Variants in ALG14 observed in about 807,000 individuals in gnomAD.
ALG14 encodes the protein ALG14 UDP-N-acetylglucosaminyltransferase subunit.
A neutral mutation model predicts 22.8 loss-of-function variants in ALG14; 17 were observed. That is an observed-to-expected ratio of 0.75 (90% CI 0.51 to 1.12). ALG14 has a LOEUF of 1.12. Ranked by LOEUF, ALG14 falls within the 50% of genes most tolerant of loss-of-function variation. The pLI is 0.00. For synonymous variants in ALG14, 89 were observed against 103.7 expected (o/e 0.86, Z 0.86); for missense variants, 288 against 271.8 (o/e 1.06, Z -0.42).
chr1:94,985,883 T>C (rs1672627590), intron 3 of ALG14, among the ~76,000 whole-genome samples: 1 of 148,002 alleles, frequency 6.8e-6, no homozygotes, highest in Non-Finnish European at 1.5e-5. Context: ...AACCCATAAA[T>C]CAAGGACTGA....
At chr1:95,060,659 T>C (rs1675113260) in intron 2 of ALG14, among the ~76,000 whole-genome samples, 1 of 151,732 alleles carries the variant, frequency 6.6e-6, no homozygotes. Flanking sequence ...GAGACTACAG[T>C]GAGCTGAGAT....
intron 3 of ALG14, among the ~76,000 whole-genome samples, chr1:95,007,137 C>A (rs1388756625): frequency 1.3e-5 from 2 of 152,258 alleles, no homozygotes; most frequent in African/African-American, 4.8e-5. Context: ...GAAAAATTTC[C>A]TTTTTTGTTT....
chr1:95,072,027 G>A (rs1346068138), intron 1 of ALG14, among the ~76,000 whole-genome samples: 2 of 152,202 alleles, frequency 1.3e-5, no homozygotes, highest in Non-Finnish European at 2.9e-5. Flanking sequence ...GGTTAGTTTA[G>A]TGTTTGGTCT....
Position 94,981,081 on chromosome 1 carries a change from T to A in ALG14, c.*1995A>T, listed in dbSNP as rs774353428. 3.3e-5 allele frequency: 5 copies of A among 152,184 alleles called. No homozygotes were observed. The highest frequency in any genetic ancestry group is 7.3e-5 in the Non-Finnish European group (5 of 68,044). 9.4% of individuals were successfully genotyped at this position (152,184 alleles called of 1,614,324 possible). On this transcript the variant is annotated 3_prime_UTR_variant, in exon 4 of 4. Coordinates refer to ENST00000370205, the MANE Select transcript of ALG14 (RefSeq NM_144988.4). ...TTTCCCTTACCATTCATTTACCTAG[T>A]GCCACTCAGGGAACAAAGTACAGAG...
intron 2 of ALG14, among the ~76,000 whole-genome samples, chr1:95,042,249 CT>C (rs1298546409): frequency 6.6e-6 from 1 of 152,022 alleles, no homozygotes; most frequent in Non-Finnish European, 1.5e-5. Flanking sequence ...ACAGAGATCT[CT>C]CCCTCCTCTG....
chr1:95,033,404 T>TACATAC lies in ALG14; in HGVS notation c.289-6145_289-6144insGTATGT, dbSNP rs758310638. Among the ~76,000 whole-genome samples, 26 of 121,182 alleles carry TACATAC rather than the reference T, an allele frequency of 2.1e-4. No individual in the cohort carries two copies. The South Asian group carries it at 5.8e-3, about 27-fold the overall frequency. 79.5% of individuals were successfully genotyped at this position (121,182 alleles called of 152,430 possible). ...ATACATACATACATACATACATACA[T>TACATAC]ATATATATATATATATACACACACA... On this transcript the variant is annotated intron_variant, in intron 2 of 3. Transcript: ENST00000370205.
chr1:95,033,330 ACTGTAGGCTG>A (rs1674072091), intron 2 of ALG14, among the ~76,000 whole-genome samples: 1 of 151,546 alleles, frequency 6.6e-6, no homozygotes, highest in Non-Finnish European at 1.5e-5. Context: ...TTTGAGGGAC[ACTGTAGGCTG>A]CTAAACTGGA....
rs982919994 is a variant in ALG14 at position 94,980,773 on chromosome 1, A to C, written c.*2303T>G. ...GCCTGGCTCTGAATGAGTACACAGC[A>C]GCCTGAACCTATGAAAGATATAACA... On this transcript the variant is annotated 3_prime_UTR_variant, in exon 4 of 4. Coordinates refer to ENST00000370205, the MANE Select transcript of ALG14 (RefSeq NM_144988.4). 1 of 152,260 alleles carries C rather than the reference A, an allele frequency of 6.6e-6. No homozygotes were observed. The highest frequency in any genetic ancestry group is 1.5e-5 in the Non-Finnish European group (1 of 68,056). The allele number at this position is 152,260 out of a possible 1,614,324, so 9.4% of individuals were successfully genotyped here.
At position 95,036,522 on chromosome 1, in the gene ALG14, A is replaced by G. The variant is rs568501701; in HGVS notation, c.289-9262T>C. ...GCTCACTGCAACCTCCACAACCCAAATTCAAGCAATTCTCCAGCCTCAGCC... is the reference window on the plus strand; with the variant it reads ...GCTCACTGCAACCTCCACAACCCAAGTTCAAGCAATTCTCCAGCCTCAGCC... On this transcript the variant is annotated intron_variant, in intron 2 of 3. Transcript: ENST00000370205. 3.6e-4 allele frequency among the ~76,000 whole-genome samples: 51 copies of G among 143,484 alleles called. No individual in the cohort carries two copies. The South Asian group carries it at 4.8e-3, about 13-fold the overall frequency. 94.1% of individuals were successfully genotyped at this position (143,484 alleles called of 152,430 possible).
intron 3 of ALG14, among the ~76,000 whole-genome samples, chr1:95,020,170 T>A (rs1673621569): frequency 6.6e-6 from 1 of 151,200 alleles, no homozygotes; most frequent in African/African-American, 2.4e-5. Flanking sequence ...TGAGCCGAGA[T>A]CATATCACTG....
At chr1:95,059,291 G>C (rs1232296590) in intron 2 of ALG14, among the ~76,000 whole-genome samples, 1 of 151,344 alleles carries the variant, frequency 6.6e-6, no homozygotes, top group Admixed American at 6.6e-5. Flanking sequence ...AAACTACTAG[G>C]GGGGCTGAGG....
intron 1 of ALG14, among the ~76,000 whole-genome samples, chr1:95,065,885 G>C (rs915719694): frequency 5.3e-5 from 8 of 152,162 alleles, no homozygotes; most frequent in African/African-American, 1.9e-4. Context: ...TATGTTCATT[G>C]AGACAATGAA....
Position 94,983,063 on chromosome 1 carries a change from C to T in ALG14, c.*13G>A, listed in dbSNP as rs143040411. On this transcript the variant is annotated 3_prime_UTR_variant, in exon 4 of 4. Coordinates refer to ENST00000370205, the MANE Select transcript of ALG14 (RefSeq NM_144988.4). ...GTTAACTGCAAAATTCTAAAGAAGT[C>T]AGTTGCCATTTGTCAAACAATTCGC... is the stretch of plus-strand genomic sequence containing the variant. 6.8e-4 allele frequency: 1,100 copies of T among 1,611,864 alleles called. No individual in the cohort carries two copies. Among genetic ancestry groups the T allele is most frequent in the Non-Finnish European group, 7.9e-4 (931 of 1,178,072 alleles).
chr1:94,983,800 G>A (rs1672566122), intron 3 of ALG14, among the ~76,000 whole-genome samples: 1 of 151,436 alleles, frequency 6.6e-6, no homozygotes, highest in Non-Finnish European at 1.5e-5. Context: ...GGAGTGCAGT[G>A]GCGTGATCTC....
At chr1:95,025,174 G>T (rs1228367161) in intron 3 of ALG14, among the ~76,000 whole-genome samples, 1 of 152,146 alleles carries the variant, frequency 6.6e-6, no homozygotes, top group Non-Finnish European at 1.5e-5. Flanking sequence ...GAGCTCTTGG[G>T]TAATTAGGTG....
At chr1:94,992,842 G>A (rs1571581189) in intron 3 of ALG14, among the ~76,000 whole-genome samples, 1 of 152,006 alleles carries the variant, frequency 6.6e-6, no homozygotes, top group African/African-American at 2.4e-5. Flanking sequence ...CTGCTGGGGA[G>A]ATTAAATAAG....
intron 1 of ALG14, among the ~76,000 whole-genome samples, chr1:95,068,347 C>T (rs536995992): frequency 2.6e-5 from 4 of 152,268 alleles, no homozygotes; most frequent in Admixed American, 6.5e-5. Context: ...GTTGCCCAGG[C>T]GTGATCTCGG....
intron 1 of ALG14, among the ~76,000 whole-genome samples, chr1:95,070,668 G>A (rs1675529210): frequency 6.6e-6 from 1 of 152,082 alleles, no homozygotes; most frequent in South Asian, 2.1e-4. Flanking sequence ...ATTATTTTAG[G>A]TTGACACTAT....
chr1:95,053,282 A>T (rs867618265), intron 2 of ALG14, among the ~76,000 whole-genome samples: 20 of 152,050 alleles, frequency 1.3e-4, no homozygotes, highest in East Asian at 1.9e-4. Flanking sequence ...ATTTTTTTTT[A>T]AAAAAAGCAT....
Sources: allele counts gnomAD v4.1 joint callset (sites outside exome capture counted in the v4.1 genomes callset), GRCh38; gene constraint gnomAD v4.1.1; transcripts MANE v1.5; gene names NCBI Gene and HGNC (gene_info 2026-07-23, HGNC 2026-07-21).